SAAL1: variants seen among roughly 807,000 people sequenced by gnomAD.
SAAL1 encodes the protein protein SAAL1.
SAAL1 carries 42 observed loss-of-function variants against 59.8 expected under a neutral mutation model. The observed-to-expected ratio is 0.70, with a 90% confidence interval of 0.55 to 0.91. The LOEUF (loss-of-function observed/expected upper bound fraction) is 0.91, where lower values mean the gene tolerates loss of function less well. Ranked by LOEUF, SAAL1 falls within the 40% of genes least tolerant of loss-of-function variation. The probability of loss-of-function intolerance (pLI) is 0.00; values close to 1 mark genes in which losing one functional copy is unlikely to be tolerated. For missense variants in SAAL1, 542 were observed against 561.1 expected (o/e 0.97, Z 0.34); for synonymous variants, 191 against 194.3 (o/e 0.98, Z 0.14).
rs1025854121 is a variant in SAAL1 at position 18,106,031 on chromosome 11, T to A, written c.11A>T (p.Asn4Ile). 3 of 1,598,450 alleles carry A rather than the reference T, an allele frequency of 1.9e-6. No individual in the cohort carries two copies. Among genetic ancestry groups the A allele is most frequent in the Admixed American group, 1.7e-5 (1 of 59,398 alleles). The change falls in exon 1 of 12, where the codon AAC (asparagine) becomes ATC (isoleucine). Residue 4 changes from asparagine (N) to isoleucine (I), a missense_variant. Coordinates refer to ENST00000524803, the MANE Select transcript of SAAL1 (RefSeq NM_138421.3). ...GCGACCCGGCGGCGGCGGCGAGGGG[T>A]TGCGGTCCATGACTTTGTCGCGTCC... MDRNPSPPPPGRDK... is the reference protein window; with the variant it reads MDRIPSPPPPGRDK...
At chr11:18,085,233 G>A (rs998552070) in intron 9 of SAAL1, among the ~76,000 whole-genome samples, 6 of 152,144 alleles carry the variant, frequency 3.9e-5, no homozygotes, top group African/African-American at 4.8e-5. Context: ...ATAGACAAGT[G>A]ATAAAATATA....
chr11:18,102,554 C>T (rs754445204), intron 2 of SAAL1, among the ~76,000 whole-genome samples: 14 of 151,620 alleles, frequency 9.2e-5, no homozygotes, highest in African/African-American at 3.2e-4. Flanking sequence ...TCTGTATTTC[C>T]GGAAAAAAAG....
rs781708992 is a variant in SAAL1, at chr11:18,081,407, T to A, written c.1332+4A>T. On this transcript the variant is annotated splice_donor_region_variant and intron_variant, in intron 11 of 11. Coordinates refer to ENST00000524803, the MANE Select transcript of SAAL1 (RefSeq NM_138421.3). Reference sequence around the variant, plus strand: ...GCCACCTATATACATTTACCCATACTCACCACAGGGCTATAGAAAGGAAGA... The same window carrying A: ...GCCACCTATATACATTTACCCATACACACCACAGGGCTATAGAAAGGAAGA... The A allele has an allele frequency of 4.4e-6, 7 of 1,608,154 alleles. No homozygotes were observed. In the Admixed American group the frequency reaches 6.7e-5, roughly 15 times the overall value.
chr11:18,092,211 A>G (rs1848529859), intron 4 of SAAL1, 34 bp downstream of exon 4: 1 of 1,055,052 alleles, frequency 9.5e-7, no homozygotes. Context: ...ATAAATGAAT[A>G]TATTAAAAAA....
At chr11:18,103,158 C>T (rs931926246) in intron 2 of SAAL1, 75 bp downstream of exon 2, 27 of 988,744 alleles carry the variant, frequency 2.7e-5, no homozygotes, top group Non-Finnish European at 4.4e-5. Flanking sequence ...GAGTGAAGGA[C>T]TGAACCGTTT....
At chr11:18,083,468 A>T in intron 10 of SAAL1, 67 bp downstream of exon 10, 1 of 836,804 alleles carries the variant, frequency 1.2e-6, no homozygotes, top group Non-Finnish European at 1.8e-6. Context: ...AAAAAAAAAT[A>T]AAGTTTGAAG....
At chr11:18,082,007 C>T (rs929485894) in intron 10 of SAAL1, among the ~76,000 whole-genome samples, 1 of 152,138 alleles carries the variant, frequency 6.6e-6, no homozygotes, top group South Asian at 2.1e-4. Context: ...TCACTTGGTG[C>T]TTAAAAGTAA....
At chr11:18,105,506 C>A (rs917393380) in intron 1 of SAAL1, among the ~76,000 whole-genome samples, 2 of 152,068 alleles carry the variant, frequency 1.3e-5, no homozygotes, top group Non-Finnish European at 2.9e-5. Flanking sequence ...AGTTGTATAA[C>A]CCTAAAGTCA....
In SAAL1 at chr11:18,090,307, G is replaced by C; in HGVS notation, c.474-17C>G. On this transcript the variant is annotated splice_polypyrimidine_tract_variant and intron_variant, in intron 5 of 11. Transcript: ENST00000524803. ...AGCAACAACCTACATGGTAAACGTG[G>C]GTTGAATTTCTACTTTTCAAAAAAA... 1 of 1,578,108 alleles carries C rather than the reference G, an allele frequency of 6.3e-7. No individual in the cohort carries two copies. The highest frequency in any genetic ancestry group is 1.4e-5 in the African/African-American group (1 of 71,394).
At chr11:18,081,708 T>C (rs1848412103) in intron 10 of SAAL1, 2 of 562,562 alleles carry the variant, frequency 3.6e-6, no homozygotes, top group South Asian at 4.4e-5. Flanking sequence ...GGCACCACCA[T>C]CCACCCTGCT....
In SAAL1 at chr11:18,081,484, A is replaced by G; in HGVS notation, c.1259T>C (p.Val420Ala). The change falls in exon 11 of 12, where the codon GTA becomes GCA. Residue 420 changes from valine to alanine, a missense_variant. By Grantham distance (64) the Val-to-Ala change is moderately conservative. Transcript: ENST00000524803. ...ALTKETVAQG[V>A]KEGQLSKQKC... is the part of the protein sequence containing the mutation. ...CTGTTTGCTCAACTGGCCTTCCTTT[A>G]CTCCCTGAGCCACCGTCTCCTAAAA... 6.2e-7 allele frequency: 1 copy of G among 1,614,010 alleles called. No individual in the cohort carries two copies. Among genetic ancestry groups the G allele is most frequent in the Non-Finnish European group, 8.5e-7 (1 of 1,179,942 alleles).
intron 2 of SAAL1, among the ~76,000 whole-genome samples, chr11:18,098,661 G>A (rs542185230): frequency 1.6e-4 from 24 of 152,332 alleles, no homozygotes; most frequent in Middle Eastern, 3.4e-3. Context: ...CTGACTGAGA[G>A]AGACACACTC....
At chr11:18,101,037 T>C (rs753220984) in intron 2 of SAAL1, among the ~76,000 whole-genome samples, 1 of 152,122 alleles carries the variant, frequency 6.6e-6, no homozygotes, top group Non-Finnish European at 1.5e-5. Flanking sequence ...CATTAGGAAT[T>C]AAGGAAGTCC....
chr11:18,105,788 C>A lies in SAAL1; in HGVS notation c.135+119G>T, dbSNP rs560572517. 285 of 1,290,408 alleles carry A rather than the reference C, an allele frequency of 2.2e-4. 2 individuals are homozygous for A. Among genetic ancestry groups the A allele is most frequent in the Non-Finnish European group, 2.6e-5 (25 of 974,640 alleles). 79.9% of individuals were successfully genotyped at this position (1,290,408 alleles called of 1,614,324 possible). Reference sequence around the variant, plus strand: ...GCAAGGAGCAAGGTCCCGCAGCGCACGCCTGGGGAGGGGTCTTTGTGGGGA... The same window carrying A: ...GCAAGGAGCAAGGTCCCGCAGCGCAAGCCTGGGGAGGGGTCTTTGTGGGGA... On this transcript the variant is annotated intron_variant, in intron 1 of 11. Coordinates refer to ENST00000524803, the MANE Select transcript of SAAL1 (RefSeq NM_138421.3).
intron 10 of SAAL1, 36 bp downstream of exon 10, chr11:18,083,499 C>G: frequency 7.9e-7 from 1 of 1,263,902 alleles, no homozygotes; most frequent in African/African-American, 1.5e-5. Context: ...CCCACACTTT[C>G]TTTTGCTTAT....
chr11:18,104,182 T>C (rs779613767), intron 1 of SAAL1, among the ~76,000 whole-genome samples: 4 of 152,206 alleles, frequency 2.6e-5, no homozygotes, highest in Non-Finnish European at 5.9e-5. Flanking sequence ...ATTGGTTTCA[T>C]TATCAGTAAT....
At position 18,092,265 on chromosome 11, in the gene SAAL1, G is replaced by T; in HGVS notation, c.393C>A (p.Ile131=). ...MACFQEICVS[I]SSDKNLGQVL... Reference sequence around the variant, plus strand: ...CTTACCCAAGATTTTTATCACTGCTGATGGACACACATATCTCCTGGAAAC... The same window carrying T: ...CTTACCCAAGATTTTTATCACTGCTTATGGACACACATATCTCCTGGAAAC... The change falls in exon 4 of 12, where the codon ATC becomes ATA. Residue 131 remains isoleucine (I), a synonymous_variant. Coordinates refer to ENST00000524803, the MANE Select transcript of SAAL1 (RefSeq NM_138421.3). 6.3e-7 allele frequency: 1 copy of T among 1,594,650 alleles called. No homozygotes were observed. The highest frequency in any genetic ancestry group is 8.6e-7 in the Non-Finnish European group (1 of 1,162,614).
At chr11:18,095,016 C>T (rs1848557838) in intron 3 of SAAL1, among the ~76,000 whole-genome samples, 1 of 152,108 alleles carries the variant, frequency 6.6e-6, no homozygotes, top group Non-Finnish European at 1.5e-5. Context: ...TAGGGTAAAG[C>T]TTCTCAGAGT....
rs1025854121 is a variant in SAAL1, at chr11:18,106,031, T to G, written c.11A>C (p.Asn4Thr). MDR[N>T]PSPPPPGRDK... ...GCGACCCGGCGGCGGCGGCGAGGGG[T>G]TGCGGTCCATGACTTTGTCGCGTCC... The change falls in exon 1 of 12, where the codon AAC becomes ACC. Residue 4 changes from asparagine to threonine, a missense_variant. Asn to Thr is a moderately conservative substitution (Grantham distance 65). Coordinates refer to ENST00000524803, the MANE Select transcript of SAAL1 (RefSeq NM_138421.3). The G allele has an allele frequency of 6.3e-7, 1 of 1,598,450 alleles. No individual in the cohort carries two copies. Among genetic ancestry groups the G allele is most frequent in the Non-Finnish European group, 8.5e-7 (1 of 1,175,954 alleles).
Sources: gnomAD v4.1 joint callset for allele counts (sites outside exome capture counted in the v4.1 genomes callset) on GRCh38, gnomAD v4.1.1 for gene constraint, MANE v1.5 for transcripts, NCBI Gene and HGNC (gene_info 2026-07-23, HGNC 2026-07-21) for gene names.